The following FKBP5 variants were observed in gnomAD, a reference collection of about 807,000 sequenced individuals.
FKBP5 encodes FKBP prolyl isomerase 5.
FKBP5 carries 23 observed loss-of-function variants against 50.5 expected under a neutral mutation model. The ratio of observed to expected loss-of-function variants is 0.46; its 90% CI spans 0.33 to 0.65. FKBP5 has a LOEUF of 0.65. FKBP5 is among the 30% of genes least tolerant of loss of function. FKBP5 has a pLI of 0.02. For synonymous variants in FKBP5, 176 were observed against 190.6 expected (o/e 0.92, Z 0.63); for missense variants, 411 against 553.1 (o/e 0.74, Z 2.58).
At chr6:35,713,356 T>C (rs1365497818) in intron 2 of FKBP5, among the ~76,000 whole-genome samples, 1 of 152,176 alleles carries the variant, frequency 6.6e-6, no homozygotes, top group African/African-American at 2.4e-5. Context: ...ATGAAGACCG[T>C]TGGCTCCAGT....
chr6:35,703,640 T>TA (rs1347419806), intron 2 of FKBP5, among the ~76,000 whole-genome samples: 1 of 152,208 alleles, frequency 6.6e-6, no homozygotes, highest in Non-Finnish European at 1.5e-5. Context: ...TTGGCCTTTC[T>TA]ATACTTGGGG....
rs117199191 is a variant in FKBP5 at position 35,605,851 on chromosome 6, G to T, written c.509-8447C>A. Reference sequence around the variant, plus strand: ...TCCTAGCCTGAGCAATCAGGCAAGAGAAAGAAATAAAAGGCATCCAAATAG... The same window carrying T: ...TCCTAGCCTGAGCAATCAGGCAAGATAAAGAAATAAAAGGCATCCAAATAG... On this transcript the variant is annotated intron_variant, in intron 5 of 10. Coordinates refer to ENST00000357266, the MANE Select transcript of FKBP5 (RefSeq NM_004117.4). Among the ~76,000 whole-genome samples, 63 of 152,280 alleles carry T rather than the reference G, an allele frequency of 4.1e-4. 1 individual carries two copies. In the East Asian group the frequency reaches 0.012, roughly 29 times the overall value.
chr6:35,585,483 A>G (rs2150955553), intron 8 of FKBP5: 1 of 985,326 alleles, frequency 1.0e-6, no homozygotes, highest in Non-Finnish European at 1.2e-6. Flanking sequence ...TAACTCCCCT[A>G]TTTTTCACTT....
chr6:35,720,066 G>A (rs1300834477), intron 2 of FKBP5, among the ~76,000 whole-genome samples: 2 of 152,236 alleles, frequency 1.3e-5, no homozygotes, highest in Non-Finnish European at 2.9e-5. Context: ...GGGCTAGGGC[G>A]GGGTGGGAGA....
intron 3 of FKBP5, among the ~76,000 whole-genome samples, chr6:35,622,241 G>A (rs1226105821): frequency 6.6e-6 from 1 of 152,152 alleles, no homozygotes; most frequent in East Asian, 1.9e-4. Flanking sequence ...AGGAATAGTG[G>A]CTCATACCTC....
chr6:35,662,789 T>C (rs920855809), intron 1 of FKBP5, among the ~76,000 whole-genome samples: 3 of 152,190 alleles, frequency 2.0e-5, no homozygotes, highest in African/African-American at 2.4e-5. Flanking sequence ...AGCCAATAGT[T>C]TTCTAATTAT....
At chr6:35,714,585 G>A (rs1766480237) in intron 2 of FKBP5, among the ~76,000 whole-genome samples, 1 of 151,906 alleles carries the variant, frequency 6.6e-6, no homozygotes. Context: ...GGGAGGCCAA[G>A]GTGGGCAGAT....
chr6:35,588,745 C>T (rs1241035381), intron 7 of FKBP5, among the ~76,000 whole-genome samples: 1 of 151,132 alleles, frequency 6.6e-6, no homozygotes, highest in Non-Finnish European at 1.5e-5. Flanking sequence ...GGACCACAAG[C>T]ATGTGCCACC....
chr6:35,630,108 C>A (rs1229558488), intron 3 of FKBP5, among the ~76,000 whole-genome samples: 1 of 151,122 alleles, frequency 6.6e-6, no homozygotes, highest in African/African-American at 2.4e-5. Context: ...TGCATTCCAG[C>A]CCCAATAACA....
At chr6:35,584,168 C>A (rs1762531985) in intron 8 of FKBP5, 5 of 985,266 alleles carry the variant, frequency 5.1e-6, no homozygotes, top group Non-Finnish European at 4.8e-6. Flanking sequence ...TTGCACAATG[C>A]CTGGCTTAAT....
intron 5 of FKBP5, among the ~76,000 whole-genome samples, chr6:35,607,091 C>G (rs1763346509): frequency 6.6e-6 from 1 of 152,164 alleles, no homozygotes; most frequent in South Asian, 2.1e-4. Context: ...GCGCCCACCA[C>G]CACACCCAGC....
chr6:35,640,140 G>T (rs895805099), intron 2 of FKBP5, among the ~76,000 whole-genome samples: 1 of 152,202 alleles, frequency 6.6e-6, no homozygotes. Context: ...TAAGGACAGG[G>T]ATATGTTCTG....
At chr6:35,616,562 C>G (rs1396155381) in intron 5 of FKBP5, among the ~76,000 whole-genome samples, 2 of 151,916 alleles carry the variant, frequency 1.3e-5, no homozygotes, top group Non-Finnish European at 2.9e-5. Context: ...TGCAACTTTT[C>G]TGTAATTCTA....
Position 35,644,927 on chromosome 6 carries a change from A to C in FKBP5, c.-19-2084T>G, listed in dbSNP as rs571431143. On this transcript the variant is annotated intron_variant, in intron 1 of 10. Transcript: ENST00000357266. ...CATCCATCAATAGATCTCTGGGTGT[A>C]AAGCACTGAACAAATGAAAACCACC... 3.7e-4 allele frequency among the ~76,000 whole-genome samples: 57 copies of C among 152,298 alleles called. 1 individual carries two copies. In the South Asian group the frequency reaches 0.012, roughly 31 times the overall value.
chr6:35,584,200 A>C (rs1762532900), intron 8 of FKBP5: 1 of 985,294 alleles, frequency 1.0e-6, no homozygotes, highest in South Asian at 4.7e-5. Flanking sequence ...ACCTGTACTT[A>C]ATAATTATTT....
intron 1 of FKBP5, among the ~76,000 whole-genome samples, chr6:35,656,429 T>G (rs1446527222): frequency 4.6e-5 from 7 of 152,238 alleles, no homozygotes; most frequent in Admixed American, 4.6e-4. Context: ...GTTTTACTTT[T>G]GGGGAAAATG....
intron 7 of FKBP5, among the ~76,000 whole-genome samples, chr6:35,589,078 TTATA>T (rs991971659): frequency 5.1e-5 from 7 of 137,098 alleles, no homozygotes; most frequent in Non-Finnish European, 1.1e-4. Flanking sequence ...GTGTATATAT[TTATA>T]TATATATTTT....
At chr6:35,705,305 C>T (rs1766288231) in intron 2 of FKBP5, among the ~76,000 whole-genome samples, 1 of 121,392 alleles carries the variant, frequency 8.2e-6, no homozygotes. Flanking sequence ...CTCACTCTGT[C>T]ACCCAGGCTG....
intron 3 of FKBP5, among the ~76,000 whole-genome samples, chr6:35,631,588 A>G (rs1245079118): frequency 1.3e-5 from 2 of 152,206 alleles, no homozygotes; most frequent in Non-Finnish European, 2.9e-5. Context: ...CAATAAAAAA[A>G]CCAAAGTGGC....
Sources: gnomAD v4.1 joint callset for allele counts (sites outside exome capture counted in the v4.1 genomes callset) on GRCh38, gnomAD v4.1.1 for gene constraint, MANE v1.5 for transcripts, NCBI Gene and HGNC (gene_info 2026-07-23, HGNC 2026-07-21) for gene names.